Variants in ITGBL1 observed in about 807,000 individuals in gnomAD.
The protein encoded by ITGBL1 is integrin beta-like protein 1.
Under a neutral mutation model 68.5 loss-of-function variants are expected in ITGBL1, and 51 were observed. That is an observed-to-expected ratio of 0.74 (90% CI 0.59 to 0.94). ITGBL1 has a LOEUF of 0.94. ITGBL1 is among the 40% of genes least tolerant of loss of function. The pLI is 0.00. For missense variants in ITGBL1, 649 were observed against 647.4 expected, an observed-to-expected ratio of 1.00 and a Z score of -0.03; for synonymous variants, 209 against 227.3, an observed-to-expected ratio of 0.92 and a Z score of 0.72.
chr13:101,533,374 A>G (rs1273031388), intron 2 of ITGBL1, among the ~76,000 whole-genome samples: 6 of 152,158 alleles, frequency 3.9e-5, no homozygotes, highest in Non-Finnish European at 5.9e-5. Context: ...TTCCTTTGCA[A>G]CCCAGGGATT....
At chr13:101,487,391 G>A (rs980427226) in intron 2 of ITGBL1, among the ~76,000 whole-genome samples, 2 of 151,990 alleles carry the variant, frequency 1.3e-5, no homozygotes, top group African/African-American at 2.4e-5. Flanking sequence ...CATATTGGAG[G>A]TTTACACCAA....
At position 101,454,052 on chromosome 13, in the gene ITGBL1, G is replaced by A. The variant is rs201039475; in HGVS notation, c.268G>A (p.Glu90Lys). Residue 90 changes from glutamate to lysine, a missense_variant, in exon 2 of 11, where the codon GAG becomes AAG. Coordinates refer to ENST00000376180, the MANE Select transcript of ITGBL1 (RefSeq NM_004791.3). The part of the protein sequence containing the change: ...EPGMFFGPLC[E>K]CHEWVCETYD... ...GGGCATGTTCTTCGGGCCCCTGTGTGAGTGCCATGAGTGGGTGTGCGAGAC... is the reference window on the plus strand; with the variant it reads ...GGGCATGTTCTTCGGGCCCCTGTGTAAGTGCCATGAGTGGGTGTGCGAGAC... The A allele has an allele frequency of 7.5e-6, 12 of 1,591,654 alleles. No homozygotes were observed. The highest frequency in any genetic ancestry group is 2.3e-5 in the East Asian group (1 of 43,676).
intron 2 of ITGBL1, among the ~76,000 whole-genome samples, chr13:101,511,775 C>T (rs920388211): frequency 2.6e-5 from 4 of 152,124 alleles, no homozygotes; most frequent in Admixed American, 2.6e-4. Flanking sequence ...GCCAGACATG[C>T]ACCTTCATGT....
chr13:101,690,816 G>A (rs1194464466), intron 7 of ITGBL1, among the ~76,000 whole-genome samples: 8 of 152,200 alleles, frequency 5.3e-5, no homozygotes, highest in Non-Finnish European at 7.3e-5. Flanking sequence ...CAAAAAAAAT[G>A]TGTATTGGTA....
In ITGBL1 at chr13:101,475,640, C is replaced by T. The variant is rs1329807641; in HGVS notation, c.316+21540C>T. 3.3e-5 allele frequency among the ~76,000 whole-genome samples: 5 copies of T among 151,930 alleles called. No homozygotes were observed. The East Asian group carries it at 7.7e-4, about 24-fold the overall frequency. ...CTCAAGGAATTCAATAGTCAAATTC[C>T]CAAAGGTCCAGGATAAAGAAAAGAT... On this transcript the variant is annotated intron_variant, in intron 2 of 10. Transcript: ENST00000376180.
At chr13:101,681,748 G>T (rs533079115) in intron 7 of ITGBL1, among the ~76,000 whole-genome samples, 20 of 151,974 alleles carry the variant, frequency 1.3e-4, no homozygotes, top group Non-Finnish European at 2.6e-4. Flanking sequence ...AAGAAGAAAA[G>T]AAAAACCTGG....
intron 7 of ITGBL1, among the ~76,000 whole-genome samples, chr13:101,642,345 G>A (rs1211869652): frequency 1.3e-5 from 2 of 152,168 alleles, no homozygotes; most frequent in African/African-American, 4.8e-5. Context: ...GTGCTTTTTG[G>A]CTGCATAAAT....
intron 7 of ITGBL1, among the ~76,000 whole-genome samples, chr13:101,602,950 C>A (rs1250647822): frequency 6.6e-6 from 1 of 151,968 alleles, no homozygotes; most frequent in Non-Finnish European, 1.5e-5. Context: ...TATGGATACA[C>A]CACCGTTATT....
At chr13:101,720,521 G>GTGTT (rs1278281835), downstream of ITGBL1, 1 of 142,256 alleles carries the variant, frequency 7.0e-6, no homozygotes, top group South Asian at 2.3e-4. Context: ...ATAGATGGGG[G>GTGTT]TGTTTGCTCT....
At chr13:101,510,861 ATTTG>A (rs1321884261) in intron 2 of ITGBL1, among the ~76,000 whole-genome samples, 1 of 151,868 alleles carries the variant, frequency 6.6e-6, no homozygotes, top group African/African-American at 2.4e-5. Context: ...ATGCTTGTTA[ATTTG>A]TTTAAGTTTC....
intron 2 of ITGBL1, among the ~76,000 whole-genome samples, chr13:101,553,305 T>C (rs1594886332): frequency 6.6e-6 from 1 of 152,154 alleles, no homozygotes; most frequent in Non-Finnish European, 1.5e-5. Flanking sequence ...GTATGTCAGG[T>C]ACAATATTCA....
intron 7 of ITGBL1, among the ~76,000 whole-genome samples, chr13:101,643,487 A>G (rs906471041): frequency 1.3e-5 from 2 of 152,084 alleles, no homozygotes; most frequent in African/African-American, 4.8e-5. Context: ...GGTTTTCTAG[A>G]TATACAGTCA....
At chr13:101,538,057 G>A (rs915911176) in intron 2 of ITGBL1, among the ~76,000 whole-genome samples, 2 of 151,924 alleles carry the variant, frequency 1.3e-5, no homozygotes, top group African/African-American at 2.4e-5. Context: ...GGATAAATAA[G>A]TTATTTGTAA....
rs2032476780 is a variant in ITGBL1 at position 101,644,044 on chromosome 13, A to G, written c.1015+45745A>G. 2.6e-5 allele frequency among the ~76,000 whole-genome samples: 4 copies of G among 152,296 alleles called. No individual in the cohort carries two copies. The South Asian group carries it at 8.3e-4, about 32-fold the overall frequency. ...GTGGAAGATCCGGCAACTTTGGCCC[A>G]GATCCCTGGCTGGCCGTGTCACCTC... On this transcript the variant is annotated intron_variant, in intron 7 of 10. Coordinates refer to ENST00000376180, the MANE Select transcript of ITGBL1 (RefSeq NM_004791.3).
At chr13:101,523,449 A>G (rs955875639) in intron 2 of ITGBL1, among the ~76,000 whole-genome samples, 1 of 152,176 alleles carries the variant, frequency 6.6e-6, no homozygotes, top group Admixed American at 6.6e-5. Context: ...CTGAATGTCA[A>G]ATTAATGCGG....
chr13:101,715,857 G>A lies in ITGBL1; in HGVS notation c.*203G>A. Reference sequence around the variant, plus strand: ...GATGCAAATAACATTAGAAAAAAAAGATTCTTCCATAATTAACATAAGTGG... The same window carrying A: ...GATGCAAATAACATTAGAAAAAAAAAATTCTTCCATAATTAACATAAGTGG... On this transcript the variant is annotated 3_prime_UTR_variant, in exon 11 of 11. Coordinates refer to ENST00000376180, the MANE Select transcript of ITGBL1 (RefSeq NM_004791.3). 2.2e-6 allele frequency: 1 copy of A among 460,416 alleles called. No individual in the cohort carries two copies. Among genetic ancestry groups the A allele is most frequent in the Non-Finnish European group, 3.9e-6 (1 of 257,188 alleles). 28.5% of individuals were successfully genotyped at this position (460,416 alleles called of 1,614,324 possible).
chr13:101,555,853 A>G (rs973551139), intron 2 of ITGBL1, among the ~76,000 whole-genome samples: 2 of 152,180 alleles, frequency 1.3e-5, no homozygotes, highest in African/African-American at 4.8e-5. Context: ...CAGATGCACT[A>G]TTAGTATTTG....
intron 6 of ITGBL1, among the ~76,000 whole-genome samples, chr13:101,589,580 A>C (rs1352276445): frequency 6.6e-6 from 1 of 152,212 alleles, no homozygotes; most frequent in Admixed American, 6.5e-5. Flanking sequence ...AACATTGGCC[A>C]TCTTGAACTA....
chr13:101,558,338 G>A (rs1474654003), intron 2 of ITGBL1, among the ~76,000 whole-genome samples: 1 of 152,098 alleles, frequency 6.6e-6, no homozygotes, highest in African/African-American at 2.4e-5. Context: ...AGAAGGTGGA[G>A]GTTGGAAGGT....
Sources: gnomAD v4.1 joint callset for allele counts (sites outside exome capture counted in the v4.1 genomes callset) on GRCh38, gnomAD v4.1.1 for gene constraint, MANE v1.5 for transcripts, NCBI Gene and HGNC (gene_info 2026-07-23, HGNC 2026-07-21) for gene names.